Variants in PDZRN4 observed in about 807,000 individuals in gnomAD.
PDZRN4 encodes the protein PDZ domain-containing RING finger protein 4.
Under a neutral mutation model 99.0 loss-of-function variants are expected in PDZRN4, and 70 were observed. The ratio of observed to expected loss-of-function variants is 0.71; its 90% CI spans 0.58 to 0.86. The LOEUF is 0.86. Ranked by LOEUF, PDZRN4 falls within the 40% of genes least tolerant of loss-of-function variation. PDZRN4 has a pLI of 0.00. For missense variants in PDZRN4, 1,474 were observed against 1,331.2 expected (o/e 1.11, Z -1.67); for synonymous variants, 551 against 501.6 (o/e 1.10, Z -1.32).
chr12:41,445,436 G>C (rs1239010275), intron 3 of PDZRN4, among the ~76,000 whole-genome samples: 1 of 152,014 alleles, frequency 6.6e-6, no homozygotes, highest in East Asian at 1.9e-4. Context: ...AAGTAATTAA[G>C]AATAAAGATT....
At chr12:41,205,006 G>T (rs1263834540) in intron 3 of PDZRN4, among the ~76,000 whole-genome samples, 1 of 151,832 alleles carries the variant, frequency 6.6e-6, no homozygotes, top group African/African-American at 2.4e-5. Context: ...TTTGTTAAAA[G>T]ACATTTAATT....
intron 3 of PDZRN4, among the ~76,000 whole-genome samples, chr12:41,483,736 G>A (rs1937721114): frequency 6.6e-6 from 1 of 152,086 alleles, no homozygotes; most frequent in Non-Finnish European, 1.5e-5. Context: ...CTTACTGCTA[G>A]TCTTTTTTTA....
At chr12:41,254,419 T>C (rs747901037) in intron 3 of PDZRN4, among the ~76,000 whole-genome samples, 8 of 152,186 alleles carry the variant, frequency 5.3e-5, no homozygotes, top group Non-Finnish European at 8.8e-5. Context: ...TGAGACTGAC[T>C]CAAAACTATA....
At chr12:41,378,548 G>GTTT (rs1952098824) in intron 3 of PDZRN4, among the ~76,000 whole-genome samples, 1 of 42,312 alleles carries the variant, frequency 2.4e-5, no homozygotes, top group Non-Finnish European at 5.7e-5. Context: ...TTGAGACAGA[G>GTTT]TTTTGCTCTT....
At chr12:41,525,919 G>C (rs974838447) in intron 5 of PDZRN4, among the ~76,000 whole-genome samples, 1 of 151,570 alleles carries the variant, frequency 6.6e-6, no homozygotes, top group East Asian at 1.9e-4. Flanking sequence ...CCCAAACATC[G>C]TAAAATAGTA....
At chr12:41,302,588 T>C (rs1951543175) in intron 3 of PDZRN4, among the ~76,000 whole-genome samples, 1 of 152,288 alleles carries the variant, frequency 6.6e-6, no homozygotes, top group South Asian at 2.1e-4. Flanking sequence ...GAGTGGGTAA[T>C]AGAATCAGAT....
intron 6 of PDZRN4, 125 bp from the exon 7 acceptor site, chr12:41,555,573 A>T: frequency 1.4e-6 from 1 of 703,206 alleles, no homozygotes; most frequent in Non-Finnish European, 2.5e-6. Flanking sequence ...AATATTATGT[A>T]TACTGTCACA....
chr12:41,452,877 C>A (rs2730805), intron 3 of PDZRN4, among the ~76,000 whole-genome samples: 78,485 of 151,814 alleles, frequency 0.52, 20,762 homozygotes, highest in African/African-American at 0.65. Context: ...GGTTAAGTGG[C>A]CCCAGAAACA....
intron 5 of PDZRN4, among the ~76,000 whole-genome samples, chr12:41,515,071 G>C (rs944150013): frequency 6.6e-6 from 1 of 152,052 alleles, no homozygotes; most frequent in Non-Finnish European, 1.5e-5. Flanking sequence ...GCAACAGACA[G>C]GGAAATAAGC....
rs138796682 is a variant in PDZRN4 at position 41,460,040 on chromosome 12, T to C, written c.844-46416T>C. 56 of 1,287,140 alleles carry C rather than the reference T, an allele frequency of 4.4e-5. No individual in the cohort carries two copies. In the African/African-American group the frequency reaches 7.6e-4, roughly 17 times the overall value. 79.7% of individuals were successfully genotyped at this position (1,287,140 alleles called of 1,614,324 possible). ...TGGAGAGTATGTGTGGGATCTTAGT[T>C]CTGCTTCATTAAGCTCCTTGTGAAT... On this transcript the variant is annotated intron_variant, in intron 3 of 9. Transcript: ENST00000402685.
intron 7 of PDZRN4, among the ~76,000 whole-genome samples, chr12:41,562,864 T>C (rs191357809): frequency 4.0e-4 from 61 of 152,308 alleles, no homozygotes; most frequent in Admixed American, 3.9e-3. Context: ...TCTATGTTAA[T>C]ATTTTTTAAA....
At position 41,536,761 on chromosome 12, in the gene PDZRN4, TA is replaced by T. The variant is rs59008796; in HGVS notation, c.1204-15883del. Among the ~76,000 whole-genome samples the T allele has an allele frequency of 3.9e-3, 537 of 137,210 alleles. 3 individuals are homozygous for T. Among genetic ancestry groups the T allele is most frequent in the African/African-American group, 0.012 (440 of 36,444 alleles). The allele number at this position is 137,210 out of a possible 152,430, so 90.0% of individuals were successfully genotyped here. ...GAAAAAAATAACATCTATTGAAAAG[TA>T]AAAAAAAAAAACCCTTCTTGATTTT... On this transcript the variant is annotated intron_variant, in intron 5 of 9. Coordinates refer to ENST00000402685, the MANE Select transcript of PDZRN4 (RefSeq NM_001164595.2).
At chr12:41,338,414 T>C (rs928127351) in intron 3 of PDZRN4, among the ~76,000 whole-genome samples, 16 of 152,178 alleles carry the variant, frequency 1.1e-4, no homozygotes, top group Admixed American at 9.2e-4. Flanking sequence ...AAAATGCTTA[T>C]GGCCTTATTT....
chr12:41,270,776 ATTTG>A (rs1393822983), intron 3 of PDZRN4, among the ~76,000 whole-genome samples: 2 of 152,140 alleles, frequency 1.3e-5, no homozygotes, highest in Non-Finnish European at 2.9e-5. Context: ...TCTTTTATTA[ATTTG>A]TTAGTTACGT....
At chr12:41,418,116 A>G (rs1459347907) in intron 3 of PDZRN4, among the ~76,000 whole-genome samples, 1 of 152,194 alleles carries the variant, frequency 6.6e-6, no homozygotes, top group Non-Finnish European at 1.5e-5. Flanking sequence ...TGCTTCTATG[A>G]GCATCTTTCT....
At chr12:41,312,387 C>A (rs540280118) in intron 3 of PDZRN4, among the ~76,000 whole-genome samples, 45 of 152,210 alleles carry the variant, frequency 3.0e-4, no homozygotes, top group African/African-American at 1.0e-3. Context: ...AAATCCAGGT[C>A]TTGTAGTATC....
At chr12:41,345,028 A>C (rs1269113407) in intron 3 of PDZRN4, among the ~76,000 whole-genome samples, 1 of 152,102 alleles carries the variant, frequency 6.6e-6, no homozygotes, top group East Asian at 1.9e-4. Context: ...CTTAGGCATC[A>C]CTGCTGGAAT....
At chr12:41,506,351 C>T (rs1938204696) in intron 3 of PDZRN4, 105 bp from the exon 4 acceptor site, 12 of 996,732 alleles carry the variant, frequency 1.2e-5, no homozygotes, top group East Asian at 5.0e-5. Context: ...TTACAAAATT[C>T]ATATCAGGGC....
intron 3 of PDZRN4, among the ~76,000 whole-genome samples, chr12:41,405,888 A>T (rs1278192181): frequency 1.3e-5 from 2 of 151,986 alleles, no homozygotes; most frequent in African/African-American, 4.8e-5. Flanking sequence ...ATAACTGGGA[A>T]CTAAACATTG....
Sources: allele counts gnomAD v4.1 joint callset (sites outside exome capture counted in the v4.1 genomes callset), GRCh38; gene constraint gnomAD v4.1.1; transcripts MANE v1.5; gene names NCBI Gene and HGNC (gene_info 2026-07-23, HGNC 2026-07-21).